Variants in CLEC4D observed in about 807,000 individuals in gnomAD.
CLEC4D encodes C-type (calcium dependent, carbohydrate-recognition domain) lectin, superfamily member 8.
A neutral mutation model predicts 21.1 loss-of-function variants in CLEC4D; 21 were observed. The ratio of observed to expected loss-of-function variants is 1.00; its 90% CI spans 0.71 to 1.43. The LOEUF (loss-of-function observed/expected upper bound fraction) is 1.43, where lower values mean the gene tolerates loss of function less well. CLEC4D is among the 40% of genes most tolerant of loss of function. The pLI is 0.00. For missense variants in CLEC4D, 289 were observed against 260.7 expected, an observed-to-expected ratio of 1.11 and a Z score of -0.75; for synonymous variants, 85 against 83.1, an observed-to-expected ratio of 1.02 and a Z score of -0.12.
At chr12:8,518,964 G>A in intron 3 of CLEC4D, 45 bp from the exon 4 acceptor site, 2 of 1,597,294 alleles carry the variant, frequency 1.3e-6, no homozygotes, top group Non-Finnish European at 1.7e-6. Flanking sequence ...TGTTACAGAT[G>A]AAATGCTCTT....
At chr12:8,527,492 T>C in the CLEC4D span, among the ~76,000 whole-genome samples, 1 of 152,186 alleles carries the variant, frequency 6.6e-6, no homozygotes, top group Non-Finnish European at 1.5e-5. Context: ...CCACAGCCAG[T>C]GTGTTGGGCT....
At chr12:8,516,432 T>C (rs775593139) in intron 2 of CLEC4D, among the ~76,000 whole-genome samples, 4 of 152,094 alleles carry the variant, frequency 2.6e-5, no homozygotes, top group Admixed American at 6.5e-5. Context: ...ATAAAAAAAC[T>C]GGGCAAAGTC....
intron 1 of CLEC4D, among the ~76,000 whole-genome samples, chr12:8,513,993 G>A (rs1047878438): frequency 2.6e-5 from 4 of 151,940 alleles, no homozygotes; most frequent in Non-Finnish European, 5.9e-5. Flanking sequence ...ATATATAAAA[G>A]AGAAATAAGA....
In CLEC4D at chr12:8,520,313, G is replaced by C; in HGVS notation, c.472G>C (p.Asp158His). The C allele has an allele frequency of 1.2e-6, 2 of 1,613,978 alleles. No individual in the cohort carries two copies. The highest frequency in any genetic ancestry group is 1.7e-6 in the Non-Finnish European group (2 of 1,179,858). ...TGCCAAAGGTCAGTGGCGTTGGGTG[G>C]ACCAGACGCCATTTAACCCACGCAG... is the stretch of plus-strand genomic sequence containing the variant. ...ENAKGQWRWVDQTPFNPRRVF... is the reference protein window; with the variant it reads ...ENAKGQWRWVHQTPFNPRRVF... The change falls in exon 5 of 6, where the codon GAC becomes CAC. Residue 158 changes from aspartate to histidine, a missense_variant. Transcript: ENST00000299665.
rs1354598675 is a variant in CLEC4D at position 8,521,316 on chromosome 12, C to T, written c.*45C>T. The T allele has an allele frequency of 6.3e-7, 1 of 1,580,296 alleles. No individual in the cohort carries two copies. The highest frequency in any genetic ancestry group is 8.6e-7 in the Non-Finnish European group (1 of 1,167,202). On this transcript the variant is annotated 3_prime_UTR_variant, in exon 6 of 6. Coordinates refer to ENST00000299665, the MANE Select transcript of CLEC4D (RefSeq NM_080387.5). Reference sequence around the variant, plus strand: ...TGTGATGGAAAGAGAAAAGAAAAACCAATTAGAATAAGGCAGAATGTACGT... The same window carrying T: ...TGTGATGGAAAGAGAAAAGAAAAACTAATTAGAATAAGGCAGAATGTACGT...
At chr12:8,517,485 T>C (rs988705960) in intron 2 of CLEC4D, among the ~76,000 whole-genome samples, 4 of 135,728 alleles carry the variant, frequency 2.9e-5, no homozygotes, top group African/African-American at 1.1e-4. Context: ...GTGTGTGCTG[T>C]CCAGGAAGGG....
intron 4 of CLEC4D, among the ~76,000 whole-genome samples, chr12:8,519,390 C>T (rs1940428352): frequency 6.6e-6 from 1 of 152,108 alleles, no homozygotes; most frequent in Admixed American, 6.5e-5. Context: ...CTTCCTCATT[C>T]TACCCCTCCC....
chr12:8,529,847 TTATC>T, the CLEC4D span, among the ~76,000 whole-genome samples: 2 of 151,978 alleles, frequency 1.3e-5, no homozygotes, highest in African/African-American at 2.4e-5. Flanking sequence ...CTCATAGAAA[TTATC>T]TAAAACTGAA....
chr12:8,529,792 AAGAG>A, the CLEC4D span, among the ~76,000 whole-genome samples: 2 of 152,180 alleles, frequency 1.3e-5, no homozygotes, highest in Non-Finnish European at 2.9e-5. Context: ...GGGGATGGGA[AAGAG>A]AGAGAGAAAG....
At position 8,521,245 on chromosome 12, in the gene CLEC4D, A is replaced by G. The variant is rs776922051; in HGVS notation, c.622A>G (p.Lys208Glu). ...PCNFEASRIC[K>E]IPGTTLN Reference sequence around the variant, plus strand: ...TAACTTTGAAGCAAGTAGGATTTGTAAAATACCTGGAACAACATTGAACTA... The same window carrying G: ...TAACTTTGAAGCAAGTAGGATTTGTGAAATACCTGGAACAACATTGAACTA... Residue 208 changes from lysine (K) to glutamate (E), a missense_variant, in exon 6 of 6, where the codon AAA becomes GAA. By Grantham distance (56) the Lys-to-Glu change is moderately conservative (BLOSUM62 1). Transcript: ENST00000299665. 6.2e-7 allele frequency: 1 copy of G among 1,612,560 alleles called. No homozygotes were observed. The highest frequency in any genetic ancestry group is 1.1e-5 in the South Asian group (1 of 90,920).
Position 8,513,510 on chromosome 12 carries a change from C to A in CLEC4D, c.-223C>A. Reference sequence around the variant, plus strand: ...CCTTTTTTTTTTTTTTTCGCCTCATCTCCCGGAATGTATCAAAGGAAACCC... The same window carrying A: ...CCTTTTTTTTTTTTTTTCGCCTCATATCCCGGAATGTATCAAAGGAAACCC... On this transcript the variant is annotated 5_prime_UTR_variant, in exon 1 of 6. Transcript: ENST00000299665. 42 of 270,812 alleles carry A rather than the reference C, an allele frequency of 1.6e-4. No individual in the cohort carries two copies. Among genetic ancestry groups the A allele is most frequent in the Non-Finnish European group, 1.7e-4 (25 of 149,114 alleles). The allele number at this position is 270,812 out of a possible 1,614,324, so 16.8% of individuals were successfully genotyped here.
chr12:8,531,258 T>G, the CLEC4D span, among the ~76,000 whole-genome samples: 1 of 152,018 alleles, frequency 6.6e-6, no homozygotes, highest in South Asian at 2.1e-4. Flanking sequence ...CATGCGTCCC[T>G]CTCCCCCTCC....
downstream of CLEC4D, among the ~76,000 whole-genome samples, chr12:8,523,991 T>C (rs1441839667): frequency 6.6e-6 from 1 of 152,216 alleles, no homozygotes; most frequent in Non-Finnish European, 1.5e-5. Flanking sequence ...GTTTATGTGA[T>C]GGATTATGTT....
At chr12:8,517,133 C>T (rs904426390) in intron 2 of CLEC4D, among the ~76,000 whole-genome samples, 1 of 152,098 alleles carries the variant, frequency 6.6e-6, no homozygotes, top group Non-Finnish European at 1.5e-5. Context: ...GAGTGGTTAC[C>T]TATAAAGGCG....
At chr12:8,516,862 GAATAGAT>G (rs1940388635) in intron 2 of CLEC4D, among the ~76,000 whole-genome samples, 1 of 152,216 alleles carries the variant, frequency 6.6e-6, no homozygotes, top group Non-Finnish European at 1.5e-5. Context: ...AATAGGAGTA[GAATAGAT>G]AAATATATTT....
the CLEC4D span, among the ~76,000 whole-genome samples, chr12:8,529,464 A>G: frequency 1.3e-5 from 2 of 152,146 alleles, no homozygotes; most frequent in Non-Finnish European, 2.9e-5. Context: ...AAAATTAAAA[A>G]ATTAGCTGTG....
At chr12:8,521,053 C>G in intron 5 of CLEC4D, 71 bp from the exon 6 acceptor site, 1 of 1,523,254 alleles carries the variant, frequency 6.6e-7, no homozygotes, top group East Asian at 2.3e-5. Context: ...ATATCTATAT[C>G]TAATCTACAC....
chr12:8,514,486 TAAAC>T (rs1412594195), intron 1 of CLEC4D, among the ~76,000 whole-genome samples: 1 of 152,148 alleles, frequency 6.6e-6, no homozygotes, highest in African/African-American at 2.4e-5. Flanking sequence ...TCTTTTAACA[TAAAC>T]AAGCTCAATT....
At chr12:8,519,253 T>C in intron 4 of CLEC4D, 93 bp downstream of exon 4, 1 of 1,454,908 alleles carries the variant, frequency 6.9e-7, no homozygotes, top group Non-Finnish European at 9.1e-7. Context: ...CTCTGTCTGT[T>C]TTCATCTGCT....
Sources: allele counts gnomAD v4.1 joint callset (sites outside exome capture counted in the v4.1 genomes callset), GRCh38; gene constraint gnomAD v4.1.1; transcripts MANE v1.5; gene names NCBI Gene and HGNC (gene_info 2026-07-23, HGNC 2026-07-21).